KLHL1: variants seen among roughly 807,000 people sequenced by gnomAD.
KLHL1 encodes the protein kelch-like protein 1.
In KLHL1, 47 loss-of-function variants were observed where a neutral mutation model predicts 77.7. That is an observed-to-expected ratio of 0.60 (90% CI 0.48 to 0.77). The LOEUF is 0.77. Among genes scored for constraint, KLHL1 ranks in the 30% least tolerant of loss-of-function variants. The pLI, the probability that KLHL1 is intolerant of heterozygous loss-of-function variation, is 0.00. For synonymous variants in KLHL1, 360 were observed against 325.2 expected (o/e 1.11, Z -1.15); for missense variants, 925 against 910.8 (o/e 1.02, Z -0.20).
chr13:69,912,826 C>G (rs1358222583), intron 4 of KLHL1, among the ~76,000 whole-genome samples: 1 of 152,112 alleles, frequency 6.6e-6, no homozygotes, highest in East Asian at 1.9e-4. Context: ...AGGCCCCATG[C>G]TGCTTGAGTC....
intron 2 of KLHL1, among the ~76,000 whole-genome samples, chr13:69,963,205 T>C (rs1884118803): frequency 1.1e-5 from 1 of 92,242 alleles, no homozygotes; most frequent in Non-Finnish European, 2.5e-5. Flanking sequence ...TGGGACAGCA[T>C]GCACAACCAC....
chr13:69,969,165 T>G (rs1196221450), intron 2 of KLHL1, among the ~76,000 whole-genome samples: 3 of 152,160 alleles, frequency 2.0e-5, no homozygotes, highest in Non-Finnish European at 4.4e-5. Context: ...AAATACATTC[T>G]TTTAACTGGA....
chr13:69,965,133 A>G lies in KLHL1; in HGVS notation c.681-3689T>C, dbSNP rs918968853. Among the ~76,000 whole-genome samples the G allele has an allele frequency of 1.1e-4, 16 of 152,360 alleles. No individual in the cohort carries two copies. In the East Asian group the frequency reaches 3.1e-3, roughly 29 times the overall value. Reference sequence around the variant, plus strand: ...TCTGATGGAAAATGGAATTACAAATACAAGCATGCCTTATTTTATTGCATT... The same window carrying G: ...TCTGATGGAAAATGGAATTACAAATGCAAGCATGCCTTATTTTATTGCATT... On this transcript the variant is annotated intron_variant, in intron 2 of 10. Coordinates refer to ENST00000377844, the MANE Select transcript of KLHL1 (RefSeq NM_020866.3).
At chr13:69,864,181 T>C (rs967204082) in intron 5 of KLHL1, among the ~76,000 whole-genome samples, 2 of 152,002 alleles carry the variant, frequency 1.3e-5, no homozygotes, top group African/African-American at 4.8e-5. Flanking sequence ...CCTTGTTTAC[T>C]GGGTAAAAAC....
intron 1 of KLHL1, among the ~76,000 whole-genome samples, chr13:70,023,023 C>T (rs1264129668): frequency 1.3e-5 from 2 of 151,912 alleles, no homozygotes; most frequent in African/African-American, 4.8e-5. Context: ...TTAAAGCGTT[C>T]CTCTGGTTAA....
rs149534072 is a variant in KLHL1, at chr13:70,090,518, G to T, written c.497+16685C>A. The stretch of plus-strand genomic sequence containing the variant: ...AGTTAAGAGTATTATTGATTGACAG[G>T]TCATTATCCTCTGCTCTTTCTCTTG... On this transcript the variant is annotated intron_variant, in intron 1 of 10. Coordinates refer to ENST00000377844, the MANE Select transcript of KLHL1 (RefSeq NM_020866.3). Among the ~76,000 whole-genome samples the T allele has an allele frequency of 2.5e-3, 385 of 151,908 alleles. 3 individuals are homozygous for T. The highest frequency in any genetic ancestry group is 8.6e-3 in the African/African-American group (355 of 41,476).
intron 6 of KLHL1, among the ~76,000 whole-genome samples, chr13:69,806,888 G>A (rs550488346): frequency 5.3e-5 from 8 of 152,244 alleles, no homozygotes; most frequent in African/African-American, 1.4e-4. Flanking sequence ...GCACACCCAC[G>A]CAACCTCTGG....
At chr13:69,825,165 A>T (rs1391853708) in intron 6 of KLHL1, among the ~76,000 whole-genome samples, 1 of 152,156 alleles carries the variant, frequency 6.6e-6, no homozygotes, top group Admixed American at 6.6e-5. Context: ...ATGTTGATAA[A>T]ATAAACATGA....
chr13:69,824,174 C>G (rs1878454458), intron 6 of KLHL1, among the ~76,000 whole-genome samples: 1 of 151,898 alleles, frequency 6.6e-6, no homozygotes, highest in Non-Finnish European at 1.5e-5. Flanking sequence ...AAAAATACAT[C>G]CTATAATTCT....
intron 4 of KLHL1, among the ~76,000 whole-genome samples, chr13:69,904,060 T>C (rs2034699771): frequency 6.6e-6 from 1 of 152,048 alleles, no homozygotes; most frequent in Non-Finnish European, 1.5e-5. Context: ...TATATTATTA[T>C]ATTAATATGC....
intron 6 of KLHL1, among the ~76,000 whole-genome samples, chr13:69,801,063 C>T (rs535698737): frequency 1.4e-4 from 21 of 152,224 alleles, no homozygotes; most frequent in African/African-American, 3.9e-4. Context: ...GTGATGACTA[C>T]CTAAAGCCCT....
chr13:69,838,219 T>C (rs7335552), intron 6 of KLHL1, among the ~76,000 whole-genome samples: 12,253 of 151,740 alleles, frequency 0.081, 933 homozygotes, highest in African/African-American at 0.2. Context: ...TGTTGGATAT[T>C]TGGTCATATT....
intron 4 of KLHL1, among the ~76,000 whole-genome samples, chr13:69,904,701 T>C (rs117129483): frequency 0.011 from 1,650 of 152,234 alleles, 12 homozygotes; most frequent in Middle Eastern, 0.044. Context: ...CTTTACACAG[T>C]GTATGAATGA....
chr13:70,095,752 T>C (rs1374840411), intron 1 of KLHL1, among the ~76,000 whole-genome samples: 1 of 152,136 alleles, frequency 6.6e-6, no homozygotes, highest in African/African-American at 2.4e-5. Flanking sequence ...AGTCATCCCA[T>C]TGTGCTATTT....
chr13:69,760,359 A>ATTATTATTG lies in KLHL1; in HGVS notation c.1640-19804_1640-19803insCAATAATAA, dbSNP rs1359227526. On this transcript the variant is annotated intron_variant, in intron 7 of 10. Coordinates refer to ENST00000377844, the MANE Select transcript of KLHL1 (RefSeq NM_020866.3). Reference sequence around the variant, plus strand: ...AAGGTTAGGATATTTTATTATTATTATTATTATTATTTTGAGACGGAATTT... The same window carrying ATTATTATTG: ...AAGGTTAGGATATTTTATTATTATTATTATTATTGTTATTATTATTTTGAGACGGAATTT... 2.0e-5 allele frequency among the ~76,000 whole-genome samples: 3 copies of ATTATTATTG among 151,474 alleles called. No homozygotes were observed. The East Asian group carries it at 5.8e-4, about 29-fold the overall frequency.
At chr13:69,827,725 G>C (rs150433387) in intron 6 of KLHL1, among the ~76,000 whole-genome samples, 2,182 of 111,302 alleles carry the variant, frequency 0.02, 61 homozygotes, top group African/African-American at 0.076. Flanking sequence ...GCGAGACCCT[G>C]TCTCAAAAAA....
chr13:70,020,732 ACAATACTAGTGTAT>A (rs1240095753), intron 1 of KLHL1, among the ~76,000 whole-genome samples: 18 of 152,040 alleles, frequency 1.2e-4, no homozygotes, highest in African/African-American at 4.3e-4. Context: ...TACTGAAGTG[ACAATACTAGTGTAT>A]CAATAGAATA....
chr13:69,857,138 T>C (rs1322725305), intron 5 of KLHL1, among the ~76,000 whole-genome samples: 1 of 152,106 alleles, frequency 6.6e-6, no homozygotes, highest in Non-Finnish European at 1.5e-5. Flanking sequence ...GCATGACTTC[T>C]ATGCTGTAGA....
At chr13:69,907,299 A>T (rs1207294354) in intron 4 of KLHL1, among the ~76,000 whole-genome samples, 1 of 152,076 alleles carries the variant, frequency 6.6e-6, no homozygotes, top group Non-Finnish European at 1.5e-5. Flanking sequence ...TTAGATTGAC[A>T]ACTCAAATAC....
Sources: gnomAD v4.1 joint callset for allele counts (sites outside exome capture counted in the v4.1 genomes callset) on GRCh38, gnomAD v4.1.1 for gene constraint, MANE v1.5 for transcripts, NCBI Gene and HGNC (gene_info 2026-07-23, HGNC 2026-07-21) for gene names.